CACNA1C: variants seen among roughly 807,000 people sequenced by gnomAD.
CACNA1C encodes the protein voltage-dependent L-type calcium channel subunit alpha-1C.
In CACNA1C, 30 loss-of-function variants were observed where a neutral mutation model predicts 229.0. That is an observed-to-expected ratio of 0.13 (90% CI 0.10 to 0.18). CACNA1C has a LOEUF of 0.18. Ranked by LOEUF, CACNA1C falls within the 10% of genes least tolerant of loss-of-function variation. The pLI, the probability that CACNA1C is intolerant of heterozygous loss-of-function variation, is 1.00. For synonymous variants in CACNA1C, 1,114 were observed against 1,132.5 expected (o/e 0.98, Z 0.33); for missense variants, 1,658 against 2,845.0 (o/e 0.58, Z 9.49).
chr12:2,683,008 A>G (rs2097254708), intron 43 of CACNA1C, among the ~76,000 whole-genome samples: 1 of 150,796 alleles, frequency 6.6e-6, no homozygotes, highest in African/African-American at 2.4e-5. Context: ...AGTCATAAAT[A>G]TATTTTCTGG....
At position 2,686,400 on chromosome 12, in the gene CACNA1C, C is replaced by T. The variant is rs529067446; in HGVS notation, c.5784+131C>T. ...ATGGCTGGCACGTCCTGCCCCTGCC[C>T]TAAGAGCCATCCCTGTAGGGCTTCA... is the stretch of plus-strand genomic sequence containing the variant. On this transcript the variant is annotated intron_variant, in intron 45 of 46. Coordinates refer to ENST00000399655, the MANE Select transcript of CACNA1C (RefSeq NM_000719.7). 5.1e-5 allele frequency: 40 copies of T among 790,616 alleles called. 1 individual carries two copies. The East Asian group carries it at 9.0e-4, about 18-fold the overall frequency. 49.0% of individuals were successfully genotyped at this position (790,616 alleles called of 1,614,324 possible).
intron 3 of CACNA1C, among the ~76,000 whole-genome samples, chr12:2,335,752 A>T (rs964469556): frequency 7.9e-5 from 12 of 152,182 alleles, no homozygotes; most frequent in Non-Finnish European, 1.8e-4. Flanking sequence ...ACCTCCCTGC[A>T]GGCTGTTGTG....
In CACNA1C at chr12:2,153,926, G is replaced by A. The variant is rs928032093; in HGVS notation, c.477+33496G>A. On this transcript the variant is annotated intron_variant, in intron 3 of 46. Transcript: ENST00000399655. ...CTCACCAAGTGCCACCTCAACAAGT[G>A]CAGCTTTCACCCGTCCTTGGACATT... 1.2e-4 allele frequency among the ~76,000 whole-genome samples: 19 copies of A among 152,220 alleles called. 1 individual carries two copies. Among genetic ancestry groups the A allele is most frequent in the Non-Finnish European group, 1.8e-4 (12 of 68,036 alleles).
At chr12:2,674,250 G>A (rs559233298) in intron 38 of CACNA1C, among the ~76,000 whole-genome samples, 11 of 152,352 alleles carry the variant, frequency 7.2e-5, no homozygotes, top group East Asian at 1.9e-4. Flanking sequence ...ACTGAGTGCC[G>A]GTGGAGGGGC....
At chr12:2,366,530 G>C (rs2097722968) in intron 3 of CACNA1C, among the ~76,000 whole-genome samples, 1 of 152,182 alleles carries the variant, frequency 6.6e-6, no homozygotes, top group Admixed American at 6.5e-5. Flanking sequence ...GGAACCATGA[G>C]TTAAAGTTTT....
chr12:2,681,878 G>A, intron 42 of CACNA1C: 1 of 867,808 alleles, frequency 1.2e-6, no homozygotes. Context: ...GGGAGGCACT[G>A]AGCTGAGCTC....
intron 38 of CACNA1C, among the ~76,000 whole-genome samples, chr12:2,674,301 GGAATGGCATTGGACGGGGCACAA>G (rs2096693881): frequency 6.6e-6 from 1 of 152,230 alleles, no homozygotes; most frequent in South Asian, 2.1e-4. Flanking sequence ...GAAGGGGACA[GGAATGGCATTGGACGGGGCACAA>G]GAGGGAAGGG....
rs757655805 is a variant in CACNA1C, at chr12:2,237,346, C to T, written c.477+116916C>T. 4.6e-5 allele frequency among the ~76,000 whole-genome samples: 7 copies of T among 152,306 alleles called. No individual in the cohort carries two copies. In the South Asian group the frequency reaches 8.3e-4, roughly 18 times the overall value. On this transcript the variant is annotated intron_variant, in intron 3 of 46. Coordinates refer to ENST00000399655, the MANE Select transcript of CACNA1C (RefSeq NM_000719.7). ...GTCCATCTCATTTGGATGACATCAG[C>T]GAAGATGCATTCTGTATCTCTCCAC...
At chr12:2,066,201 G>A (rs901998466) in intron 1 of CACNA1C, among the ~76,000 whole-genome samples, 30 of 152,048 alleles carry the variant, frequency 2.0e-4, no homozygotes, top group Admixed American at 2.0e-3. Flanking sequence ...TGGATGGGAA[G>A]GGTAGAGGTT....
intron 3 of CACNA1C, among the ~76,000 whole-genome samples, chr12:2,158,243 A>G (rs1245700960): frequency 6.6e-6 from 1 of 152,260 alleles, no homozygotes; most frequent in Non-Finnish European, 1.5e-5. Context: ...TCCCAAGGGT[A>G]CATCTTTGTG....
At chr12:2,243,543 TGAG>T (rs1423686101) in intron 3 of CACNA1C, among the ~76,000 whole-genome samples, 15 of 152,138 alleles carry the variant, frequency 9.9e-5, no homozygotes, top group African/African-American at 3.6e-4. Context: ...GGGGGGATGA[TGAG>T]AAGGTATGAA....
intron 1 of CACNA1C, among the ~76,000 whole-genome samples, chr12:2,066,466 C>T (rs777444937): frequency 2.2e-4 from 33 of 152,102 alleles, no homozygotes; most frequent in Admixed American, 2.0e-4. Context: ...TCCAGGAGGC[C>T]GTCATTGCTG....
chr12:2,691,216 C>T lies in CACNA1C; in HGVS notation c.*17C>T. 6.6e-7 allele frequency: 1 copy of T among 1,520,814 alleles called. No individual in the cohort carries two copies. Among genetic ancestry groups the T allele is most frequent in the Non-Finnish European group, 8.8e-7 (1 of 1,136,632 alleles). The allele number at this position is 1,520,814 out of a possible 1,614,324, so 94.2% of individuals were successfully genotyped here. ...AGCCTGTAGTGGGCGCTGCCAGATG[C>T]GGGCTTTTTTTTATTTGTTTCAATG... On this transcript the variant is annotated 3_prime_UTR_variant, in exon 47 of 47. Coordinates refer to ENST00000399655, the MANE Select transcript of CACNA1C (RefSeq NM_000719.7).
At chr12:2,544,147 TG>T (rs2099876961) in intron 9 of CACNA1C, among the ~76,000 whole-genome samples, 1 of 144,972 alleles carries the variant, frequency 6.9e-6, no homozygotes. Flanking sequence ...TTCTGAGAAG[TG>T]AAAAAAAAAA....
intron 1 of CACNA1C, among the ~76,000 whole-genome samples, chr12:2,061,992 C>G (rs1164184754): frequency 6.6e-6 from 1 of 152,202 alleles, no homozygotes; most frequent in Admixed American, 6.5e-5. Flanking sequence ...ACATTATAGT[C>G]TAAGTGACAG....
At chr12:2,156,107 G>A (rs1223315549) in intron 3 of CACNA1C, among the ~76,000 whole-genome samples, 1 of 152,154 alleles carries the variant, frequency 6.6e-6, no homozygotes, top group Non-Finnish European at 1.5e-5. Context: ...TTCCTGTTAA[G>A]CTAAAAATGG....
At chr12:2,118,356 T>G (rs959700516) in intron 2 of CACNA1C, among the ~76,000 whole-genome samples, 4 of 152,110 alleles carry the variant, frequency 2.6e-5, no homozygotes, top group African/African-American at 9.7e-5. Flanking sequence ...GTGGGCTCGG[T>G]GTCACTTTCC....
Position 2,648,335 on chromosome 12 carries a change from T to C in CACNA1C, c.3913-140T>C, listed in dbSNP as rs1469879175. On this transcript the variant is annotated intron_variant, in intron 30 of 46. Transcript: ENST00000399655. ...GGGACGCCCCAGGACCTGCCAGGCC[T>C]ACGCTTTCACGTTTCTTTCACTTGT... 102 of 780,412 alleles carry C rather than the reference T, an allele frequency of 1.3e-4. 2 individuals are homozygous for C. Among genetic ancestry groups the C allele is most frequent in the South Asian group, 9.2e-4 (60 of 65,154 alleles). The allele number at this position is 780,412 out of a possible 1,614,324, so 48.3% of individuals were successfully genotyped here. A position where few individuals can be genotyped will look rare whatever the true frequency, so the allele number is the denominator to read the frequency against.
intron 3 of CACNA1C, among the ~76,000 whole-genome samples, chr12:2,362,626 G>A (rs778427781): frequency 2.6e-5 from 4 of 152,174 alleles, no homozygotes; most frequent in Non-Finnish European, 4.4e-5. Flanking sequence ...CGTTCTGATC[G>A]TTCCTTTAGT....
Sources: gnomAD v4.1 joint callset for allele counts (sites outside exome capture counted in the v4.1 genomes callset) on GRCh38, gnomAD v4.1.1 for gene constraint, MANE v1.5 for transcripts, NCBI Gene and HGNC (gene_info 2026-07-23, HGNC 2026-07-21) for gene names.